SNTG1: variants seen among roughly 807,000 people sequenced by gnomAD.
SNTG1 encodes the protein gamma-1-syntrophin.
Under a neutral mutation model 74.7 loss-of-function variants are expected in SNTG1, and 39 were observed. The ratio of observed to expected loss-of-function variants is 0.52; its 90% CI spans 0.40 to 0.68. The LOEUF (loss-of-function observed/expected upper bound fraction) is 0.68. SNTG1 is among the 30% of genes least tolerant of loss of function. SNTG1 has a pLI of 0.00. For synonymous variants in SNTG1, 254 were observed against 217.1 expected (o/e 1.17, Z -1.49); for missense variants, 685 against 609.5 (o/e 1.12, Z -1.30).
intron 18 of SNTG1, among the ~76,000 whole-genome samples, chr8:50,781,058 G>A (rs986278235): frequency 3.3e-5 from 5 of 152,120 alleles, no homozygotes; most frequent in Non-Finnish European, 7.3e-5. Flanking sequence ...ATTGCACTGT[G>A]GTCTGAGAGA....
intron 2 of SNTG1, among the ~76,000 whole-genome samples, chr8:50,359,625 C>T (rs944832031): frequency 6.6e-6 from 1 of 152,102 alleles, no homozygotes; most frequent in African/African-American, 2.4e-5. Flanking sequence ...CTAAAATATG[C>T]CACTGACTTG....
chr8:49,997,232 G>A (rs1185838517), intron 1 of SNTG1, among the ~76,000 whole-genome samples: 1 of 152,082 alleles, frequency 6.6e-6, no homozygotes, highest in Non-Finnish European at 1.5e-5. Flanking sequence ...ATCCAAAGCT[G>A]CACCATCCAC....
chr8:50,394,174 G>T (rs576021915), intron 2 of SNTG1, 38 bp from the exon 3 acceptor site: 2 of 1,538,338 alleles, frequency 1.3e-6, no homozygotes, highest in South Asian at 2.3e-5. Flanking sequence ...TACATGCCAT[G>T]CTGTGCCTAA....
chr8:50,637,165 A>G (rs2095044508), intron 13 of SNTG1, among the ~76,000 whole-genome samples: 1 of 152,156 alleles, frequency 6.6e-6, no homozygotes, highest in Non-Finnish European at 1.5e-5. Flanking sequence ...TTGTTTACCT[A>G]ACTGTATTTG....
intron 9 of SNTG1, among the ~76,000 whole-genome samples, chr8:50,509,590 A>G (rs906320082): frequency 6.6e-6 from 1 of 151,910 alleles, no homozygotes; most frequent in Admixed American, 6.6e-5. Flanking sequence ...CTTGTATTTC[A>G]TTGAGCAGTG....
intron 2 of SNTG1, among the ~76,000 whole-genome samples, chr8:50,202,968 C>G (rs1377581295): frequency 6.6e-6 from 1 of 151,908 alleles, no homozygotes; most frequent in Non-Finnish European, 1.5e-5. Flanking sequence ...GGTTTTGTCT[C>G]CTTTTTCTTT....
chr8:50,511,974 A>T (rs2094081454), intron 9 of SNTG1, among the ~76,000 whole-genome samples: 2 of 151,834 alleles, frequency 1.3e-5, no homozygotes, highest in African/African-American at 4.8e-5. Flanking sequence ...TTAGCTGGTT[A>T]TTTTGCTCGT....
intron 1 of SNTG1, among the ~76,000 whole-genome samples, chr8:50,149,616 C>G (rs2081994257): frequency 6.6e-6 from 1 of 152,174 alleles, no homozygotes; most frequent in Non-Finnish European, 1.5e-5. Context: ...ATATGGCTAG[C>G]CAGTTTTCCC....
chr8:50,264,978 C>T (rs1200086412), intron 2 of SNTG1, among the ~76,000 whole-genome samples: 2 of 151,858 alleles, frequency 1.3e-5, no homozygotes, highest in Non-Finnish European at 2.9e-5. Context: ...AAGAGTTGAA[C>T]CAATAATTTT....
intron 10 of SNTG1, among the ~76,000 whole-genome samples, chr8:50,536,258 T>C (rs1252041782): frequency 1.3e-5 from 2 of 152,232 alleles, no homozygotes; most frequent in Non-Finnish European, 2.9e-5. Context: ...AAAACACTTA[T>C]GATTGTGCTT....
intron 13 of SNTG1, among the ~76,000 whole-genome samples, chr8:50,597,043 A>T (rs927093075): frequency 2.0e-5 from 3 of 151,826 alleles, no homozygotes; most frequent in Non-Finnish European, 4.4e-5. Flanking sequence ...TTGTACCCAC[A>T]GGCGAACCTC....
chr8:50,025,871 G>T (rs1287429366), intron 1 of SNTG1, among the ~76,000 whole-genome samples: 2 of 152,124 alleles, frequency 1.3e-5, no homozygotes, highest in African/African-American at 4.8e-5. Flanking sequence ...TGATTGTAGT[G>T]AAGAAAATAC....
chr8:49,991,715 A>G (rs1347454618), intron 1 of SNTG1, among the ~76,000 whole-genome samples: 2 of 152,214 alleles, frequency 1.3e-5, no homozygotes, highest in Admixed American at 1.3e-4. Flanking sequence ...AAAAGAGCAC[A>G]TATGTTGTGA....
At chr8:50,124,820 T>C (rs981943030) in intron 1 of SNTG1, among the ~76,000 whole-genome samples, 1 of 140,950 alleles carries the variant, frequency 7.1e-6, no homozygotes, top group African/African-American at 2.6e-5. Flanking sequence ...AAAATTCGAG[T>C]GTTAAGCAAA....
At chr8:50,153,716 C>T (rs929901089) in intron 1 of SNTG1, among the ~76,000 whole-genome samples, 3 of 152,274 alleles carry the variant, frequency 2.0e-5, no homozygotes, top group East Asian at 1.9e-4. Context: ...TGCAGAACAG[C>T]GAATATTGCT....
At chr8:50,427,431 T>C (rs1340905792) in intron 4 of SNTG1, among the ~76,000 whole-genome samples, 1 of 152,210 alleles carries the variant, frequency 6.6e-6, no homozygotes, top group Non-Finnish European at 1.5e-5. Context: ...ATACACTTTT[T>C]TTATTTTTAA....
Position 50,287,183 on chromosome 8 carries a change from A to T in SNTG1, c.-27-107029A>T, listed in dbSNP as rs557942690. Among the ~76,000 whole-genome samples the T allele has an allele frequency of 1.7e-4, 26 of 152,118 alleles. No individual in the cohort carries two copies. In the South Asian group the frequency reaches 5.0e-3, roughly 29 times the overall value. On this transcript the variant is annotated intron_variant, in intron 2 of 18. Coordinates refer to ENST00000642720, the MANE Select transcript of SNTG1 (RefSeq NM_018967.5). ...TCCCTGAGCTATTACGTCCATCTGT[A>T]TGTTTTCAACATCTAACTTTTTACT... is the stretch of plus-strand genomic sequence containing the variant.
intron 1 of SNTG1, among the ~76,000 whole-genome samples, chr8:50,055,016 T>C (rs1819906054): frequency 6.6e-6 from 1 of 152,124 alleles, no homozygotes; most frequent in Admixed American, 6.6e-5. Context: ...CTCTCACTCA[T>C]ATGGCTGAAC....
intron 2 of SNTG1, among the ~76,000 whole-genome samples, chr8:50,186,799 A>T (rs1348115964): frequency 6.6e-6 from 1 of 152,086 alleles, no homozygotes; most frequent in African/African-American, 2.4e-5. Context: ...CCTTTGTCAG[A>T]TGGGTAGATT....
Sources: allele counts gnomAD v4.1 joint callset (sites outside exome capture counted in the v4.1 genomes callset), GRCh38; gene constraint gnomAD v4.1.1; transcripts MANE v1.5; gene names NCBI Gene and HGNC (gene_info 2026-07-23, HGNC 2026-07-21).